TANGO6: variants seen among roughly 807,000 people sequenced by gnomAD.
TANGO6 encodes the protein transport and golgi organization 6 homolog.
In TANGO6, 90 loss-of-function variants were observed where a neutral mutation model predicts 114.2. The observed-to-expected ratio is 0.79, with a 90% CI of 0.66 to 0.94. TANGO6 has a LOEUF of 0.94. Among genes scored for constraint, TANGO6 ranks in the 40% least tolerant of loss-of-function variants. The pLI is 0.00. For synonymous variants in TANGO6, 477 were observed against 509.8 expected, an observed-to-expected ratio of 0.94 and a Z score of 0.87; for missense variants, 1,274 against 1,315.3, an observed-to-expected ratio of 0.97 and a Z score of 0.49.
chr16:68,985,699 T>G (rs752047825), intron 15 of TANGO6, among the ~76,000 whole-genome samples: 3 of 152,148 alleles, frequency 2.0e-5, no homozygotes, highest in Non-Finnish European at 4.4e-5. Context: ...GGTGACAGAG[T>G]GAGACCCTGT....
chr16:69,042,737 G>A (rs1212020356), intron 17 of TANGO6, among the ~76,000 whole-genome samples: 1 of 152,096 alleles, frequency 6.6e-6, no homozygotes, highest in East Asian at 1.9e-4. Flanking sequence ...CTCTTATTGA[G>A]AATCCACTGT....
chr16:68,924,721 C>T (rs998656989), intron 12 of TANGO6, among the ~76,000 whole-genome samples: 2 of 151,318 alleles, frequency 1.3e-5, no homozygotes, highest in African/African-American at 2.4e-5. Context: ...ACGTGGGAGG[C>T]GGAGGATGCA....
chr16:68,977,418 G>C (rs2152213828), intron 15 of TANGO6, among the ~76,000 whole-genome samples: 1 of 151,148 alleles, frequency 6.6e-6, no homozygotes, highest in African/African-American at 2.4e-5. Flanking sequence ...TCTTAGCCAG[G>C]CGTGGTGGCT....
intron 15 of TANGO6, chr16:69,007,264 CTTTTCT>C (rs1964100552): frequency 1.6e-5 from 2 of 127,208 alleles, no homozygotes; most frequent in Non-Finnish European, 3.4e-5. Context: ...TTTCTTTTTT[CTTTTCT>C]TTTTTTTTTT....
At chr16:69,067,072 T>C (rs929644556) in intron 17 of TANGO6, among the ~76,000 whole-genome samples, 1 of 152,148 alleles carries the variant, frequency 6.6e-6, no homozygotes, top group African/African-American at 2.4e-5. Context: ...AATTCTATTA[T>C]TTCTTGTAGA....
At chr16:69,021,640 A>G (rs540675542) in intron 15 of TANGO6, among the ~76,000 whole-genome samples, 5 of 152,220 alleles carry the variant, frequency 3.3e-5, no homozygotes, top group South Asian at 2.1e-4. Context: ...TCTAATAATC[A>G]TAGTTCTCTT....
At chr16:68,863,441 C>G (rs1002716699) in intron 3 of TANGO6, among the ~76,000 whole-genome samples, 4 of 152,040 alleles carry the variant, frequency 2.6e-5, no homozygotes, top group Non-Finnish European at 4.4e-5. Context: ...CCTGTCTCTA[C>G]TAACAATACA....
intron 3 of TANGO6, among the ~76,000 whole-genome samples, chr16:68,863,455 AAAC>A (rs1387144834): frequency 6.6e-6 from 1 of 152,072 alleles, no homozygotes; most frequent in African/African-American, 2.4e-5. Context: ...CAATACAAAA[AAAC>A]AATTAGCTGG....
chr16:69,031,146 C>A (rs1241933526), intron 16 of TANGO6, among the ~76,000 whole-genome samples: 1 of 151,990 alleles, frequency 6.6e-6, no homozygotes, highest in African/African-American at 2.4e-5. Context: ...ACCTTCCTGG[C>A]AAACCTCTTG....
chr16:68,998,236 C>T (rs1189646627), intron 15 of TANGO6, among the ~76,000 whole-genome samples: 1 of 152,048 alleles, frequency 6.6e-6, no homozygotes, highest in Admixed American at 6.6e-5. Context: ...TTTCACATTA[C>T]CCATCCCTAT....
chr16:68,971,509 A>C (rs1231428131), intron 14 of TANGO6, among the ~76,000 whole-genome samples: 1 of 152,148 alleles, frequency 6.6e-6, no homozygotes, highest in Non-Finnish European at 1.5e-5. Context: ...TCCTGGCCTC[A>C]AGTGATCCTC....
At chr16:68,848,584 C>G (rs555529641) in intron 1 of TANGO6, among the ~76,000 whole-genome samples, 4 of 152,128 alleles carry the variant, frequency 2.6e-5, no homozygotes, top group African/African-American at 9.6e-5. Context: ...CCCTATCACC[C>G]AGAGATCACC....
intron 11 of TANGO6, among the ~76,000 whole-genome samples, chr16:68,909,972 G>A (rs548403108): frequency 6.6e-6 from 1 of 152,256 alleles, no homozygotes; most frequent in South Asian, 2.1e-4. Flanking sequence ...GCTTTTAGAG[G>A]AGTATCACTA....
At chr16:68,867,843 C>CATAATA (rs1281108095) in intron 4 of TANGO6, 1 of 144,272 alleles carries the variant, frequency 6.9e-6, no homozygotes, top group East Asian at 2.1e-4. Context: ...TCTCAATAAT[C>CATAATA]ATAATAATAA....
intron 14 of TANGO6, among the ~76,000 whole-genome samples, chr16:68,934,981 G>A (rs899295769): frequency 6.6e-6 from 1 of 152,182 alleles, no homozygotes; most frequent in South Asian, 2.1e-4. Context: ...GGGTAGAGGC[G>A]TAATTTCTGT....
In TANGO6 at chr16:68,909,227, C is replaced by G; in HGVS notation, c.1817C>G (p.Ala606Gly). The G allele has an allele frequency of 1.3e-6, 2 of 1,581,248 alleles. No homozygotes were observed. Among genetic ancestry groups the G allele is most frequent in the South Asian group, 2.3e-5 (2 of 86,542 alleles). The stretch of plus-strand genomic sequence containing the variant: ...TGCTTGTAGGAGTTGACTCATGTGG[C>G]CTCGGAAAATGAAACAGAGTTAAAA... Reference protein sequence around the residue: ...IFCLKELTHVASENETELKTE... With the variant: ...IFCLKELTHVGSENETELKTE... Residue 606 changes from alanine (A) to glycine (G), a missense_variant, in exon 11 of 18, where the codon GCC (alanine) becomes GGC (glycine). Physicochemically the swap from Ala to Gly is moderately conservative, Grantham distance 60. Transcript: ENST00000261778.
chr16:68,886,290 C>T (rs1962538118), intron 7 of TANGO6, among the ~76,000 whole-genome samples: 1 of 151,782 alleles, frequency 6.6e-6, no homozygotes, highest in Admixed American at 6.6e-5. Context: ...TCTCAGCTCG[C>T]TGCAACAACC....
intron 14 of TANGO6, among the ~76,000 whole-genome samples, chr16:68,946,921 C>A (rs1438701030): frequency 6.6e-6 from 1 of 152,166 alleles, no homozygotes; most frequent in South Asian, 2.1e-4. Flanking sequence ...TTCACTCTTA[C>A]ATTTAGGTCT....
At chr16:68,887,887 AAACAAC>A (rs1157919715) in intron 7 of TANGO6, among the ~76,000 whole-genome samples, 1 of 152,106 alleles carries the variant, frequency 6.6e-6, no homozygotes, top group Non-Finnish European at 1.5e-5. Flanking sequence ...TAAAAAACAG[AAACAAC>A]AACAACAACA....
Sources: gnomAD v4.1 joint callset for allele counts (sites outside exome capture counted in the v4.1 genomes callset) on GRCh38, gnomAD v4.1.1 for gene constraint, MANE v1.5 for transcripts, NCBI Gene and HGNC (gene_info 2026-07-23, HGNC 2026-07-21) for gene names.